GAREM1: variants seen among roughly 807,000 people sequenced by gnomAD.
GAREM1 encodes the protein GRB2 associated regulator of MAPK1 subtype 1.
GAREM1 carries 26 observed loss-of-function variants against 71.3 expected under a neutral mutation model. The observed-to-expected ratio is 0.36, with a 90% confidence interval of 0.27 to 0.51. The LOEUF (loss-of-function observed/expected upper bound fraction) is 0.51. Among genes scored for constraint, GAREM1 ranks in the 20% least tolerant of loss-of-function variants. The probability of loss-of-function intolerance (pLI) is 0.95; values close to 1 mark genes in which losing one functional copy is unlikely to be tolerated. For missense variants in GAREM1, 1,026 were observed against 1,103.1 expected (o/e 0.93, Z 0.99); for synonymous variants, 440 against 433.2 (o/e 1.02, Z -0.20).
chr18:32,324,892 C>T (rs2047460993), intron 2 of GAREM1, among the ~76,000 whole-genome samples: 1 of 152,118 alleles, frequency 6.6e-6, no homozygotes, highest in Non-Finnish European at 1.5e-5. Flanking sequence ...ACTATGGAAA[C>T]AGTAAAATGA....
intron 2 of GAREM1, among the ~76,000 whole-genome samples, chr18:32,368,239 A>C (rs1479172007): frequency 1.3e-5 from 2 of 152,142 alleles, no homozygotes; most frequent in Non-Finnish European, 2.9e-5. Context: ...CTCTAAGCTT[A>C]GGTCTCTCTG....
chr18:32,309,529 T>C (rs1324924091), intron 3 of GAREM1, among the ~76,000 whole-genome samples: 1 of 139,370 alleles, frequency 7.2e-6, no homozygotes, highest in East Asian at 2.1e-4. Flanking sequence ...AGCAGGAGAA[T>C]GGCATGAACC....
At chr18:32,432,108 C>T (rs1190376576) in intron 1 of GAREM1, among the ~76,000 whole-genome samples, 1 of 152,002 alleles carries the variant, frequency 6.6e-6, no homozygotes, top group East Asian at 1.9e-4. Flanking sequence ...AAACTGGAAA[C>T]ATCAGGAATG....
intron 2 of GAREM1, among the ~76,000 whole-genome samples, chr18:32,342,871 C>A (rs1481243966): frequency 6.6e-6 from 1 of 152,216 alleles, no homozygotes; most frequent in African/African-American, 2.4e-5. Flanking sequence ...CCCACTCTAG[C>A]CACAGTTTCC....
intron 2 of GAREM1, among the ~76,000 whole-genome samples, chr18:32,355,814 T>G (rs1383950228): frequency 1.3e-5 from 2 of 152,202 alleles, no homozygotes; most frequent in Non-Finnish European, 2.9e-5. Context: ...CAAACCGAAC[T>G]ATTTAGGTCA....
intron 1 of GAREM1, among the ~76,000 whole-genome samples, chr18:32,394,577 T>C (rs1300190751): frequency 6.6e-6 from 1 of 152,030 alleles, no homozygotes; most frequent in Non-Finnish European, 1.5e-5. Context: ...CGGGGGGATT[T>C]TTCAAACCAG....
chr18:32,456,437 A>G, intron 1 of GAREM1, among the ~76,000 whole-genome samples: 1 of 152,142 alleles, frequency 6.6e-6, no homozygotes, highest in East Asian at 1.9e-4. Flanking sequence ...CATAATAACT[A>G]TGGTTGACAC....
At chr18:32,298,270 C>T (rs542276472) in intron 3 of GAREM1, among the ~76,000 whole-genome samples, 3 of 152,282 alleles carry the variant, frequency 2.0e-5, no homozygotes, top group South Asian at 2.1e-4. Context: ...ATACAACTAA[C>T]GTACTGACCA....
chr18:32,413,020 G>A lies in GAREM1; in HGVS notation c.122-19985C>T, dbSNP rs957979519. 7.6e-5 allele frequency: 122 copies of A among 1,599,218 alleles called. No individual in the cohort carries two copies. The African/African-American group carries it at 1.0e-3, about 14-fold the overall frequency. On this transcript the variant is annotated intron_variant, in intron 1 of 5. Transcript: ENST00000269209. Reference sequence around the variant, plus strand: ...GTGACAAACCCAAAGCCCCTGGAGCGCTTGGTGTTTGGATCTCTCATTACC... The same window carrying A: ...GTGACAAACCCAAAGCCCCTGGAGCACTTGGTGTTTGGATCTCTCATTACC...
chr18:32,336,384 C>T (rs1411890714), intron 2 of GAREM1, among the ~76,000 whole-genome samples: 5 of 148,286 alleles, frequency 3.4e-5, no homozygotes, highest in South Asian at 4.2e-4. Flanking sequence ...GAGCGAAGAT[C>T]GCGCCACTGC....
intron 2 of GAREM1, among the ~76,000 whole-genome samples, chr18:32,378,647 A>G (rs2048064259): frequency 6.6e-6 from 1 of 152,146 alleles, no homozygotes; most frequent in South Asian, 2.1e-4. Flanking sequence ...CTGCTATAGA[A>G]GAGCTCTGGT....
intron 1 of GAREM1, among the ~76,000 whole-genome samples, chr18:32,395,551 C>A (rs2048244853): frequency 6.6e-6 from 1 of 152,184 alleles, no homozygotes; most frequent in African/African-American, 2.4e-5. Flanking sequence ...CATTATCCAA[C>A]AAACATTTTT....
At chr18:32,422,514 T>A (rs2048529332) in intron 1 of GAREM1, among the ~76,000 whole-genome samples, 1 of 152,210 alleles carries the variant, frequency 6.6e-6, no homozygotes, top group Non-Finnish European at 1.5e-5. Flanking sequence ...ATAATGATGC[T>A]CAATGTATGT....
chr18:32,437,938 T>C (rs2048694886), intron 1 of GAREM1, among the ~76,000 whole-genome samples: 1 of 152,170 alleles, frequency 6.6e-6, no homozygotes, highest in Non-Finnish European at 1.5e-5. Flanking sequence ...TGATGTTCCA[T>C]CTAAAAACAG....
intron 1 of GAREM1, among the ~76,000 whole-genome samples, chr18:32,398,790 A>T (rs147939762): frequency 2.0e-5 from 3 of 152,178 alleles, no homozygotes; most frequent in Admixed American, 6.5e-5. Context: ...CAATAGAAAA[A>T]GAGGGAATCC....
At chr18:32,329,703 TAAA>T (rs756082703) in intron 2 of GAREM1, among the ~76,000 whole-genome samples, 26 of 78,132 alleles carry the variant, frequency 3.3e-4, no homozygotes, top group African/African-American at 6.8e-4. Flanking sequence ...GAGACTCCAT[TAAA>T]AAAAAAAAAA....
chr18:32,385,067 T>C (rs1189536294), intron 2 of GAREM1, among the ~76,000 whole-genome samples: 4 of 152,142 alleles, frequency 2.6e-5, no homozygotes, highest in African/African-American at 9.7e-5. Context: ...TCTCTCTTTT[T>C]CCTTTTCTGA....
intron 1 of GAREM1, among the ~76,000 whole-genome samples, chr18:32,438,250 G>A (rs1568011500): frequency 6.6e-6 from 1 of 152,212 alleles, no homozygotes; most frequent in Non-Finnish European, 1.5e-5. Flanking sequence ...GAGCGGGTCT[G>A]TTTGCTATGG....
intron 2 of GAREM1, among the ~76,000 whole-genome samples, chr18:32,377,731 T>C (rs531723952): frequency 6.6e-6 from 1 of 152,092 alleles, no homozygotes; most frequent in South Asian, 2.1e-4. Flanking sequence ...ACCTGGCTAA[T>C]TTTTTGTATT....
Sources: allele counts gnomAD v4.1 joint callset (sites outside exome capture counted in the v4.1 genomes callset), GRCh38; gene constraint gnomAD v4.1.1; transcripts MANE v1.5; gene names NCBI Gene and HGNC (gene_info 2026-07-23, HGNC 2026-07-21).